The following TRPV2 variants were observed in gnomAD, a reference collection of about 807,000 sequenced individuals.
The protein encoded by TRPV2 is transient receptor potential cation channel subfamily V member 2, also known as OTRPC2.
Under a neutral mutation model 91.0 loss-of-function variants are expected in TRPV2, and 58 were observed. The ratio of observed to expected loss-of-function variants is 0.64; its 90% CI spans 0.52 to 0.79. TRPV2 has a LOEUF of 0.79. Ranked by LOEUF, TRPV2 falls within the 30% of genes least tolerant of loss-of-function variation. TRPV2 has a pLI of 0.00. For synonymous variants in TRPV2, 417 were observed against 414.8 expected, an observed-to-expected ratio of 1.01 and a Z score of -0.06; for missense variants, 807 against 969.6, an observed-to-expected ratio of 0.83 and a Z score of 2.23.
At chr17:16,424,407 G>A (rs918798935) in intron 5 of TRPV2, among the ~76,000 whole-genome samples, 3 of 151,496 alleles carry the variant, frequency 2.0e-5, no homozygotes, top group Non-Finnish European at 2.9e-5. Flanking sequence ...TGATCCACCC[G>A]CTTCGGCCTC....
At position 16,432,149 on chromosome 17, in the gene TRPV2, A is replaced by C. The variant is rs1362465505; in HGVS notation, c.1838A>C (p.Gln613Pro). 3 of 1,614,258 alleles carry C rather than the reference A, an allele frequency of 1.9e-6. No homozygotes were observed. Among genetic ancestry groups the C allele is most frequent in the Non-Finnish European group, 2.5e-6 (3 of 1,180,042 alleles). ...FTIGMGELAFQEQLHFRGMVL... is the reference protein window; with the variant it reads ...FTIGMGELAFPEQLHFRGMVL... ...ATCGGCATGGGCGAGCTGGCCTTCC[A>C]GGAGCAGCTGCACTTCCGCGGCATG... The change falls in exon 12 of 15, where the codon CAG becomes CCG. Residue 613 changes from glutamine to proline, a missense_variant. Gln to Pro is a moderately conservative substitution (Grantham distance 76). Coordinates refer to ENST00000338560, the MANE Select transcript of TRPV2 (RefSeq NM_016113.5).
rs148943669 is a variant in TRPV2 at position 16,426,895 on chromosome 17, G to C, written c.1251+18G>C. On this transcript the variant is annotated intron_variant, in intron 7 of 14. Transcript: ENST00000338560. The surrounding 1 kb of genome is among the most constrained non-coding windows in gnomAD (Gnocchi z 6.0). Reference sequence around the variant, plus strand: ...TGAAGAAGGCAAGGGCGTGAGGTTTGGGGGGGCACATCTTGGGGGAGGCCT... The same window carrying C: ...TGAAGAAGGCAAGGGCGTGAGGTTTCGGGGGGCACATCTTGGGGGAGGCCT... 4,334 of 1,606,758 alleles carry C rather than the reference G, an allele frequency of 2.7e-3. 9 individuals carry two copies. Among genetic ancestry groups the C allele is most frequent in the Non-Finnish European group, 3.5e-3 (4,089 of 1,176,592 alleles).
At chr17:16,431,319 A>G (rs1052673127) in intron 10 of TRPV2, among the ~76,000 whole-genome samples, 1 of 112,736 alleles carries the variant, frequency 8.9e-6, no homozygotes, top group Admixed American at 1.0e-4. Flanking sequence ...TTTGAGACGA[A>G]GTCTCACTCT....
chr17:16,428,934 T>C lies in TRPV2; in HGVS notation c.1539T>C (p.Tyr513=). The change falls in exon 10 of 15, where the codon TAT becomes TAC. Residue 513 remains tyrosine (Y), a synonymous_variant. Transcript: ENST00000338560. ...LVLGWLNLLY[Y]TRGFQHTGIY... Reference sequence around the variant, plus strand: ...TGGGCTGGCTGAACCTGCTTTACTATACACGTGGCTTCCAGCACACAGGCA... The same window carrying C: ...TGGGCTGGCTGAACCTGCTTTACTACACACGTGGCTTCCAGCACACAGGCA... 6.2e-7 allele frequency: 1 copy of C among 1,614,182 alleles called. No homozygotes were observed. Among genetic ancestry groups the C allele is most frequent in the Non-Finnish European group, 8.5e-7 (1 of 1,180,026 alleles).
Position 16,435,070 on chromosome 17 carries a change from C to T in TRPV2, c.2194+101C>T, listed in dbSNP as rs984933495. ...CTGGGGCAGGACCCAGAGACCTCCT[C>T]ATAGTCCCTTTGCAGATCCCCACAT... On this transcript the variant is annotated intron_variant, in intron 14 of 14. Coordinates refer to ENST00000338560, the MANE Select transcript of TRPV2 (RefSeq NM_016113.5). This position sits in a 1 kb window ranked among gnomAD's most constrained non-coding sequence, Gnocchi z 4.2. 3.3e-6 allele frequency: 3 copies of T among 922,486 alleles called. No individual in the cohort carries two copies. Among genetic ancestry groups the T allele is most frequent in the Non-Finnish European group, 1.6e-6 (1 of 629,702 alleles). The allele number at this position is 922,486 out of a possible 1,614,324, so 57.1% of individuals were successfully genotyped here. A position where few individuals can be genotyped will look rare whatever the true frequency, so the allele number is the denominator to read the frequency against.
chr17:16,423,264 A>G (rs1705737908), intron 4 of TRPV2, among the ~76,000 whole-genome samples: 1 of 152,278 alleles, frequency 6.6e-6, no homozygotes, highest in South Asian at 2.1e-4. Context: ...GGCCAGGCAG[A>G]GCCTGAATAA....
intron 12 of TRPV2, 125 bp downstream of exon 12, chr17:16,432,425 C>A: frequency 4.3e-5 from 31 of 721,090 alleles, no homozygotes; most frequent in Non-Finnish European, 6.1e-5. Flanking sequence ...TCTACCTTGT[C>A]AGTCTTCCTC....
chr17:16,432,773 G>A (rs928841456), intron 12 of TRPV2, among the ~76,000 whole-genome samples: 5 of 150,840 alleles, frequency 3.3e-5, no homozygotes, highest in Non-Finnish European at 5.9e-5. Context: ...TGTGCTACCA[G>A]CTACTCTTAT....
intron 10 of TRPV2, among the ~76,000 whole-genome samples, chr17:16,430,415 G>A (rs1032572423): frequency 8.6e-5 from 13 of 151,564 alleles, no homozygotes; most frequent in Non-Finnish European, 1.6e-4. Flanking sequence ...GTCCTTTAAT[G>A]TCTGGCTTAT....
intron 5 of TRPV2, among the ~76,000 whole-genome samples, chr17:16,424,092 C>T (rs1266671312): frequency 3.3e-5 from 5 of 151,764 alleles, no homozygotes; most frequent in Admixed American, 6.6e-5. Flanking sequence ...CAGGTTCAAG[C>T]GATTCTCCTG....
At chr17:16,436,242 T>C (rs902006908) in intron 14 of TRPV2, among the ~76,000 whole-genome samples, 7 of 152,130 alleles carry the variant, frequency 4.6e-5, no homozygotes, top group African/African-American at 1.7e-4. Context: ...CCTGCTAATG[T>C]GGACAAAAAC....
chr17:16,427,184 G>C (rs1045296078), intron 7 of TRPV2, among the ~76,000 whole-genome samples: 4 of 152,198 alleles, frequency 2.6e-5, no homozygotes, highest in African/African-American at 9.7e-5. Flanking sequence ...GAGAGGTTAA[G>C]TAACTTGCCC....
intron 2 of TRPV2, chr17:16,419,221 G>GTT (rs757114096): frequency 7.1e-6 from 3 of 421,490 alleles, no homozygotes; most frequent in African/African-American, 4.2e-5. Context: ...TGGCCCCTGT[G>GTT]ATTAGTAACA....
At position 16,428,323 on chromosome 17, in the gene TRPV2, T is replaced by G; in HGVS notation, c.1357T>G (p.Tyr453Asp). ...GTCCTCCCTTCCTCCGCAGCTGTGG[T>G]ACTTCTGGCGGCGCCACGTGTTCAT... ...GIYLLVGQLW[Y>D]FWRRHVFIWI... Residue 453 changes from tyrosine (Y) to aspartate (D), a missense_variant, in exon 9 of 15, where the codon TAC (tyrosine) becomes GAC (aspartate). Tyr to Asp is a radical substitution (Grantham distance 160). Coordinates refer to ENST00000338560, the MANE Select transcript of TRPV2 (RefSeq NM_016113.5). 6.2e-7 allele frequency: 1 copy of G among 1,614,160 alleles called. No individual in the cohort carries two copies. The highest frequency in any genetic ancestry group is 8.5e-7 in the Non-Finnish European group (1 of 1,180,020).
Position 16,422,735 on chromosome 17 carries a change from A to C in TRPV2, c.471A>C (p.Thr157=), listed in dbSNP as rs2093364188. The part of the protein sequence containing the change: ...NPQPLVNAQC[T]DDYYRGHSAL... ...AGCCCCTGGTAAATGCCCAGTGCAC[A>C]GATGACTATTACCGAGGCCACAGCG... Residue 157 remains threonine (T), a synonymous_variant, in exon 4 of 15, where the codon ACA becomes ACC. Coordinates refer to ENST00000338560, the MANE Select transcript of TRPV2 (RefSeq NM_016113.5). The C allele has an allele frequency of 6.3e-7, 1 of 1,596,828 alleles. No homozygotes were observed. The highest frequency in any genetic ancestry group is 2.3e-5 in the East Asian group (1 of 43,970).
intron 5 of TRPV2, 128 bp from the exon 6 acceptor site, chr17:16,425,971 A>C: frequency 6.5e-6 from 6 of 923,728 alleles, no homozygotes; most frequent in East Asian, 2.5e-5. Flanking sequence ...GTATGGGGGT[A>C]CGTGCACGTG....
chr17:16,428,913 C>G lies in TRPV2; in HGVS notation c.1518C>G (p.Gly506=). Residue 506 remains glycine (G), a synonymous_variant, in exon 10 of 15, where the codon GGC becomes GGG. Transcript: ENST00000338560. The part of the protein sequence containing the change: ...LPLLVSALVL[G]WLNLLYYTRG... ...TGCTTGTGTCTGCGCTGGTGCTGGG[C>G]TGGCTGAACCTGCTTTACTATACAC... 6.2e-7 allele frequency: 1 copy of G among 1,614,196 alleles called. No individual in the cohort carries two copies. The highest frequency in any genetic ancestry group is 1.1e-5 in the South Asian group (1 of 91,078).
chr17:16,425,082 TG>T (rs1323451742), intron 5 of TRPV2, among the ~76,000 whole-genome samples: 23 of 140,456 alleles, frequency 1.6e-4, no homozygotes, highest in African/African-American at 6.2e-4. Flanking sequence ...TGGAGTACAA[TG>T]GCGCGATCTC....
chr17:16,418,295 G>T (rs1228999899), intron 2 of TRPV2, among the ~76,000 whole-genome samples: 1 of 152,162 alleles, frequency 6.6e-6, no homozygotes, highest in Non-Finnish European at 1.5e-5. Flanking sequence ...CTGTCACTCA[G>T]GGGACGTGAA....
Sources: allele counts gnomAD v4.1 joint callset (sites outside exome capture counted in the v4.1 genomes callset), GRCh38; gene constraint gnomAD v4.1.1; non-coding constraint Gnocchi (gnomAD v3.1); transcripts MANE v1.5; gene names NCBI Gene and HGNC (gene_info 2026-07-23, HGNC 2026-07-21).